TPPP: variants seen among roughly 807,000 people sequenced by gnomAD.
TPPP encodes the protein tubulin polymerization promoting protein, also known as tubulin polymerization-promoting protein.
In TPPP, 6 loss-of-function variants were observed where a neutral mutation model predicts 15.5. The observed-to-expected ratio is 0.39, with a 90% CI of 0.21 to 0.77. The LOEUF (loss-of-function observed/expected upper bound fraction) is 0.77. TPPP is among the 30% of genes least tolerant of loss of function. The probability of loss-of-function intolerance (pLI) is 0.42; values close to 1 mark genes in which losing one functional copy is unlikely to be tolerated. For missense variants in TPPP, 269 were observed against 307.2 expected (o/e 0.88, Z 0.93); for synonymous variants, 146 against 133.9 (o/e 1.09, Z -0.63).
intron 2 of TPPP, among the ~76,000 whole-genome samples, chr5:675,371 CCGGGGGTG>C (rs1740384528): frequency 2.4e-5 from 1 of 41,050 alleles, no homozygotes; most frequent in African/African-American, 1.1e-4. Flanking sequence ...TGCAGTGTGG[CCGGGGGTG>C]CAGCGCAGAG....
chr5:665,984 T>C lies in TPPP; in HGVS notation c.451A>G (p.Ile151Val), dbSNP rs750871816. 6.3e-6 allele frequency: 9 copies of C among 1,433,910 alleles called. No homozygotes were observed. 88.8% of individuals were successfully genotyped at this position (1,433,910 alleles called of 1,614,324 possible). ...HRLIEGKAPIISGVTKAISSP... is the reference protein window; with the variant it reads ...HRLIEGKAPIVSGVTKAISSP... The stretch of plus-strand genomic sequence containing the variant: ...GCCCTGCTCACCGTCACCCCTGAGA[T>C]GATGGGCGCCTTGCCCTCGATGAGC... The change falls in exon 3 of 4, where the codon ATC becomes GTC. Residue 151 changes from isoleucine to valine, a missense_variant. By Grantham distance (29) the Ile-to-Val change is conservative. Transcript: ENST00000360578.
intron 1 of TPPP, chr5:692,751 G>A (rs1168676822): frequency 1.0e-6 from 1 of 969,066 alleles, no homozygotes; most frequent in African/African-American, 1.8e-5. Flanking sequence ...CACCTGCCAG[G>A]ACGCGGTGGT....
At chr5:684,376 G>A (rs1449650052) in intron 1 of TPPP, among the ~76,000 whole-genome samples, 2 of 152,218 alleles carry the variant, frequency 1.3e-5, no homozygotes, top group Admixed American at 6.5e-5. Flanking sequence ...GGCGCCTCCT[G>A]GGCCCACGCC....
chr5:685,757 C>T (rs557739600), intron 1 of TPPP, among the ~76,000 whole-genome samples: 5 of 152,318 alleles, frequency 3.3e-5, no homozygotes, highest in Non-Finnish European at 5.9e-5. Context: ...ACTCTGGGGA[C>T]GGCCACCAGA....
intron 2 of TPPP, among the ~76,000 whole-genome samples, chr5:675,589 T>G (rs1580088419): frequency 1.5e-5 from 2 of 132,664 alleles, no homozygotes; most frequent in African/African-American, 5.7e-5. Context: ...TGGCCAGGGG[T>G]GCAGCATGGG....
At chr5:676,811 AACACATGCACACATGCGCACACGTGCAC>A (rs1740450985) in intron 2 of TPPP, among the ~76,000 whole-genome samples, 1 of 151,746 alleles carries the variant, frequency 6.6e-6, no homozygotes, top group African/African-American at 2.4e-5. Context: ...CACATGCAGA[AACACATGCACACATGCGCACACGTGCAC>A]ACACGACACA....
intron 2 of TPPP, chr5:675,946 G>T (rs1346699536): frequency 6.6e-6 from 1 of 152,166 alleles, no homozygotes; most frequent in African/African-American, 2.4e-5. Context: ...CGGGGCCACT[G>T]GGACTGGACA....
intron 1 of TPPP, among the ~76,000 whole-genome samples, chr5:693,011 C>G (rs975767406): frequency 1.3e-5 from 2 of 151,098 alleles, no homozygotes; most frequent in African/African-American, 4.8e-5. Context: ...GGTGACAGAC[C>G]TGTCCCTGGC....
At chr5:673,573 C>T (rs1460325581) in intron 2 of TPPP, among the ~76,000 whole-genome samples, 2 of 152,182 alleles carry the variant, frequency 1.3e-5, no homozygotes, top group Admixed American at 6.5e-5. Flanking sequence ...ACTCACGGTG[C>T]CCAGCCTGCC....
chr5:697,159 G>A (rs1257459083), upstream of TPPP, among the ~76,000 whole-genome samples: 1 of 148,672 alleles, frequency 6.7e-6, no homozygotes, highest in Non-Finnish European at 1.5e-5. Context: ...TAAAGTGCAG[G>A]TTCCGGGTCT....
rs544071601 is a variant in TPPP at position 674,214 on chromosome 5, G to A, written c.311+3536C>T. On this transcript the variant is annotated intron_variant, in intron 2 of 3. Coordinates refer to ENST00000360578, the MANE Select transcript of TPPP (RefSeq NM_007030.3). ...GTGTATCCTGGAACACACATTGGGC[G>A]GCACAGAGGGCACCCAGGGACTCGT... 5.9e-5 allele frequency among the ~76,000 whole-genome samples: 9 copies of A among 152,326 alleles called. 1 individual carries two copies. The South Asian group carries it at 1.4e-3, about 25-fold the overall frequency.
chr5:671,379 G>T (rs78541804), intron 2 of TPPP, among the ~76,000 whole-genome samples: 21,914 of 152,140 alleles, frequency 0.14, 2,834 homozygotes, highest in African/African-American at 0.35. Context: ...TTCTCTAGGG[G>T]GCCCCAGGGG....
chr5:698,631 C>T, the TPPP span, among the ~76,000 whole-genome samples: 1 of 151,872 alleles, frequency 6.6e-6, no homozygotes, highest in Non-Finnish European at 1.5e-5. Flanking sequence ...TCTCATGAGA[C>T]TTATTCACTC....
chr5:685,935 G>A (rs1740754474), intron 1 of TPPP, among the ~76,000 whole-genome samples: 1 of 152,182 alleles, frequency 6.6e-6, no homozygotes, highest in South Asian at 2.1e-4. Flanking sequence ...GAGTATCCAG[G>A]CCACAGACGC....
rs554241989 is a variant in TPPP, at chr5:671,134, C to G, written c.312-5011G>C. Among the ~76,000 whole-genome samples the G allele has an allele frequency of 3.3e-3, 504 of 152,324 alleles. 2 individuals carry two copies. Among genetic ancestry groups the G allele is most frequent in the South Asian group, 8.3e-3 (40 of 4,834 alleles). ...TCCGGAGGTCTGGCTACCGAAGGCTCCCCCCTGCCTGAGGGGCCGCCTGGG... is the reference window on the plus strand; with the variant it reads ...TCCGGAGGTCTGGCTACCGAAGGCTGCCCCCTGCCTGAGGGGCCGCCTGGG... On this transcript the variant is annotated intron_variant, in intron 2 of 3. Coordinates refer to ENST00000360578, the MANE Select transcript of TPPP (RefSeq NM_007030.3).
At chr5:688,569 G>A (rs1740823566) in intron 1 of TPPP, among the ~76,000 whole-genome samples, 2 of 152,024 alleles carry the variant, frequency 1.3e-5, no homozygotes, top group African/African-American at 4.8e-5. Context: ...AGGCGGCCCA[G>A]AACGGCTGGC....
At chr5:677,583 T>C (rs1463570013) in intron 2 of TPPP, among the ~76,000 whole-genome samples, 167 bp downstream of exon 2, 1 of 151,798 alleles carries the variant, frequency 6.6e-6, no homozygotes, top group African/African-American at 2.4e-5. Flanking sequence ...GGGGCCCAGA[T>C]GGCACGTTCA....
Position 665,315 on chromosome 5 carries a change from G to A in TPPP, c.466-19C>T. ...TGGCTTTCTGCAAGAGGAGCAGGAG[G>A]AAGGGGGCAGGTGAGTTGCGAGCCA... On this transcript the variant is annotated intron_variant, in intron 3 of 3. Transcript: ENST00000360578. 1 of 1,604,978 alleles carries A rather than the reference G, an allele frequency of 6.2e-7. No individual in the cohort carries two copies. Among genetic ancestry groups the A allele is most frequent in the Non-Finnish European group, 8.5e-7 (1 of 1,176,500 alleles).
upstream of TPPP, among the ~76,000 whole-genome samples, chr5:693,725 G>T (rs1175109462): frequency 6.6e-6 from 1 of 150,900 alleles, no homozygotes; most frequent in Non-Finnish European, 1.5e-5. Context: ...CGTTGACGGT[G>T]CGGCGGGGGA....
Sources: gnomAD v4.1 joint callset for allele counts (sites outside exome capture counted in the v4.1 genomes callset) on GRCh38, gnomAD v4.1.1 for gene constraint, MANE v1.5 for transcripts, NCBI Gene and HGNC (gene_info 2026-07-23, HGNC 2026-07-21) for gene names.